Variants in PCDH15 observed in about 807,000 individuals in gnomAD.
The protein encoded by PCDH15 is protocadherin related 15.
PCDH15 carries 129 observed loss-of-function variants against 178.5 expected under a neutral mutation model. That is an observed-to-expected ratio of 0.72 (90% confidence interval 0.63 to 0.84). The LOEUF is 0.84. PCDH15 is among the 40% of genes least tolerant of loss of function. PCDH15 has a pLI of 0.00. For missense variants in PCDH15, 2,230 were observed against 2,099.9 expected, an observed-to-expected ratio of 1.06 and a Z score of -1.21; for synonymous variants, 800 against 732.0, an observed-to-expected ratio of 1.09 and a Z score of -1.50.
chr10:55,388,485 A>C (rs1837714207), intron 2 of PCDH15, among the ~76,000 whole-genome samples: 1 of 152,080 alleles, frequency 6.6e-6, no homozygotes, highest in Non-Finnish European at 1.5e-5. Flanking sequence ...GATAAGACTT[A>C]AACTTCTGTC....
At chr10:55,096,411 CAT>C (rs1842451729) in intron 2 of PCDH15, among the ~76,000 whole-genome samples, 1 of 152,034 alleles carries the variant, frequency 6.6e-6, no homozygotes, top group African/African-American at 2.4e-5. Flanking sequence ...TTTTGATACA[CAT>C]ATATATAGTG....
At chr10:54,215,442 T>C (rs1334025955) in intron 9 of PCDH15, among the ~76,000 whole-genome samples, 1 of 152,168 alleles carries the variant, frequency 6.6e-6, no homozygotes, top group East Asian at 1.9e-4. Context: ...ATAAAGAAGT[T>C]ATCCCTCCTA....
chr10:55,038,738 A>C (rs1840796499), intron 2 of PCDH15, among the ~76,000 whole-genome samples: 1 of 152,238 alleles, frequency 6.6e-6, no homozygotes, highest in Admixed American at 6.5e-5. Context: ...GTGAAACCTG[A>C]AACTTTTCAA....
At chr10:55,451,295 G>A (rs1414862398) in intron 2 of PCDH15, among the ~76,000 whole-genome samples, 5 of 151,906 alleles carry the variant, frequency 3.3e-5, no homozygotes, top group Non-Finnish European at 7.4e-5. Context: ...TCAGGAGATC[G>A]AGGCCATCCT....
At chr10:54,629,207 C>A (rs2093636766) in intron 2 of PCDH15, among the ~76,000 whole-genome samples, 1 of 151,648 alleles carries the variant, frequency 6.6e-6, no homozygotes, top group Non-Finnish European at 1.5e-5. Flanking sequence ...TTGTACTTGG[C>A]AATAAGGCAA....
chr10:54,756,056 A>AACACACACACACACACACACAC (rs71014414), intron 1 of PCDH15, among the ~76,000 whole-genome samples: 7 of 71,738 alleles, frequency 9.8e-5, no homozygotes, highest in Admixed American at 1.9e-4. Flanking sequence ...CTCTACTAAA[A>AACACACACACACACACACACAC]ACACACACAC....
chr10:53,941,715 T>C (rs1475623802), intron 23 of PCDH15, among the ~76,000 whole-genome samples: 2 of 152,192 alleles, frequency 1.3e-5, no homozygotes, highest in African/African-American at 2.4e-5. Context: ...TAAGACTGTT[T>C]AGTCTTTTAA....
intron 22 of PCDH15, 59 bp downstream of exon 22, chr10:53,961,693 C>G: frequency 7.3e-7 from 1 of 1,362,056 alleles, no homozygotes; most frequent in Non-Finnish European, 9.8e-7. Context: ...TCTGTTAAGC[C>G]AAATTCTCTA....
intron 11 of PCDH15, among the ~76,000 whole-genome samples, chr10:54,188,109 G>C (rs984693075): frequency 6.6e-6 from 1 of 151,848 alleles, no homozygotes. Flanking sequence ...TCACAAGAAA[G>C]GTGTATCAAA....
chr10:54,299,928 T>C (rs1459791543), intron 8 of PCDH15, among the ~76,000 whole-genome samples: 1 of 152,206 alleles, frequency 6.6e-6, no homozygotes, highest in Non-Finnish European at 1.5e-5. Flanking sequence ...AATCCCAAAC[T>C]TACAAGGCTT....
intron 2 of PCDH15, among the ~76,000 whole-genome samples, chr10:55,540,179 C>G (rs184463466): frequency 3.9e-5 from 6 of 152,088 alleles, no homozygotes; most frequent in Non-Finnish European, 5.9e-5. Context: ...AGTAGACTAC[C>G]TTCTGTGAGA....
chr10:55,201,597 A>T (rs1840249580), intron 1 of PCDH15, among the ~76,000 whole-genome samples: 1 of 152,186 alleles, frequency 6.6e-6, no homozygotes, highest in Non-Finnish European at 1.5e-5. Flanking sequence ...CTTTGGCAGA[A>T]AGATATCAAG....
intron 3 of PCDH15, among the ~76,000 whole-genome samples, chr10:54,424,184 C>G (rs9415320): frequency 0.21 from 31,217 of 151,664 alleles, 4,100 homozygotes; most frequent in African/African-American, 0.35. Context: ...ACAAACCCAT[C>G]AAAAAGTGGG....
intron 9 of PCDH15, among the ~76,000 whole-genome samples, chr10:54,232,710 C>A (rs552572814): frequency 6.6e-6 from 1 of 152,158 alleles, no homozygotes; most frequent in Admixed American, 6.5e-5. Flanking sequence ...TTTCTCTAAG[C>A]TAAATAGAAG....
chr10:54,939,494 CAAAAAAAAAAAA>C (rs71014430), intron 2 of PCDH15, among the ~76,000 whole-genome samples: 17 of 26,684 alleles, frequency 6.4e-4, no homozygotes, highest in South Asian at 2.6e-3. Flanking sequence ...GACTCCGTCT[CAAAAAAAAAAAA>C]AAAAAAAAAA....
At chr10:55,099,539 T>C (rs1348196720) in intron 2 of PCDH15, among the ~76,000 whole-genome samples, 2 of 152,122 alleles carry the variant, frequency 1.3e-5, no homozygotes, top group African/African-American at 4.8e-5. Flanking sequence ...CCAATCACAA[T>C]AAGCATCAAC....
At chr10:53,871,309 C>A (rs1158672810) in intron 26 of PCDH15, among the ~76,000 whole-genome samples, 3 of 152,084 alleles carry the variant, frequency 2.0e-5, no homozygotes, top group South Asian at 2.1e-4. Flanking sequence ...CCACAGCACT[C>A]CAGCCTGGGT....
At chr10:55,520,094 G>GTA (rs199535924) in intron 2 of PCDH15, among the ~76,000 whole-genome samples, 7 of 116,748 alleles carry the variant, frequency 6.0e-5, no homozygotes, top group Non-Finnish European at 1.1e-4. Flanking sequence ...GCATATATAT[G>GTA]TATATATATA....
At chr10:54,415,381 T>C (rs1954173789) in intron 3 of PCDH15, among the ~76,000 whole-genome samples, 1 of 151,358 alleles carries the variant, frequency 6.6e-6, no homozygotes, top group South Asian at 2.1e-4. Flanking sequence ...AAATAGTCAA[T>C]AGTTTAAAAA....
Sources: gnomAD v4.1 joint callset for allele counts (sites outside exome capture counted in the v4.1 genomes callset) on GRCh38, gnomAD v4.1.1 for gene constraint, MANE v1.5 for transcripts, NCBI Gene and HGNC (gene_info 2026-07-23, HGNC 2026-07-21) for gene names.